Variants in PDZRN3 observed in about 807,000 individuals in gnomAD.
PDZRN3 encodes PDZ domain containing ring finger 3.
Under a neutral mutation model 85.7 loss-of-function variants are expected in PDZRN3, and 38 were observed. That is an observed-to-expected ratio of 0.44 (90% CI 0.34 to 0.58). The LOEUF (loss-of-function observed/expected upper bound fraction) is 0.58. Ranked by LOEUF, PDZRN3 falls within the 20% of genes least tolerant of loss-of-function variation. The pLI is 0.01. For missense variants in PDZRN3, 1,629 were observed against 1,506.4 expected (o/e 1.08, Z -1.35); for synonymous variants, 759 against 638.0 (o/e 1.19, Z -2.86).
At chr3:73,513,086 C>A (rs980540826) in intron 3 of PDZRN3, among the ~76,000 whole-genome samples, 18 of 152,172 alleles carry the variant, frequency 1.2e-4, no homozygotes, top group African/African-American at 3.9e-4. Flanking sequence ...GCAGCCACAG[C>A]CTCAAACCCA....
At chr3:73,518,505 A>C (rs1283336792) in intron 3 of PDZRN3, among the ~76,000 whole-genome samples, 2 of 152,204 alleles carry the variant, frequency 1.3e-5, no homozygotes, top group Admixed American at 6.5e-5. Context: ...GGTACATTTT[A>C]TGTTATTTAT....
chr3:73,420,618 T>C (rs1559670001), intron 3 of PDZRN3, among the ~76,000 whole-genome samples: 2 of 152,240 alleles, frequency 1.3e-5, no homozygotes, highest in Admixed American at 1.3e-4. Flanking sequence ...TCCACATAAG[T>C]TGACCTTTCT....
chr3:73,436,296 A>G (rs1353270625), intron 3 of PDZRN3, among the ~76,000 whole-genome samples: 1 of 152,088 alleles, frequency 6.6e-6, no homozygotes. Context: ...CTGAATTTCT[A>G]CCAGCCCAGG....
In PDZRN3 at chr3:73,576,886, TA is replaced by T. The variant is rs375530979; in HGVS notation, c.918+25467del. On this transcript the variant is annotated intron_variant, in intron 3 of 9. Coordinates refer to ENST00000263666, the MANE Select transcript of PDZRN3 (RefSeq NM_015009.3). ...AACAATGAGACTAAATTAGAATAAG[TA>T]AAAAAAAAATAACACATTAAATCAA... Among the ~76,000 whole-genome samples the T allele has an allele frequency of 6.8e-4, 101 of 149,240 alleles. No individual in the cohort carries two copies. The Middle Eastern group carries it at 0.021, about 31-fold the overall frequency.
chr3:73,383,893 C>G lies in PDZRN3; in HGVS notation c.2673G>C (p.Ser891=). 6.2e-7 allele frequency: 1 copy of G among 1,613,022 alleles called. No individual in the cohort carries two copies. The change falls in exon 10 of 10, where the codon TCG becomes TCC. Residue 891 remains serine, a synonymous_variant. Coordinates refer to ENST00000263666, the MANE Select transcript of PDZRN3 (RefSeq NM_015009.3). ...QSYMQLIQQK[S]AVEYAQSQMS... is the part of the protein sequence containing the mutation. Reference sequence around the variant, plus strand: ...TCTGGCTTTGCGCGTACTCCACGGCCGACTTCTGCTGGATCAGCTGCATGT... The same window carrying G: ...TCTGGCTTTGCGCGTACTCCACGGCGGACTTCTGCTGGATCAGCTGCATGT...
chr3:73,554,594 TGTCACACTGCA>T (rs1282877669), intron 3 of PDZRN3, among the ~76,000 whole-genome samples: 2 of 152,204 alleles, frequency 1.3e-5, no homozygotes, highest in African/African-American at 2.4e-5. Context: ...TACCATGGAC[TGTCACACTGCA>T]GTTTTCAAAA....
chr3:73,509,254 C>G (rs962944114), intron 3 of PDZRN3, among the ~76,000 whole-genome samples: 3 of 152,210 alleles, frequency 2.0e-5, no homozygotes, highest in African/African-American at 7.2e-5. Context: ...ACATTGGAAA[C>G]CAGCCATCTG....
intron 3 of PDZRN3, among the ~76,000 whole-genome samples, chr3:73,536,842 C>T (rs1222721979): frequency 5.9e-5 from 9 of 152,010 alleles, no homozygotes; most frequent in Admixed American, 5.9e-4. Context: ...TGTTAGGTCA[C>T]GGGGGTCGCA....
rs574893261 is a variant in PDZRN3, at chr3:73,497,600, C to T, written c.919-93205G>A. Among the ~76,000 whole-genome samples, 123 of 152,232 alleles carry T rather than the reference C, an allele frequency of 8.1e-4. 1 individual carries two copies. The highest frequency in any genetic ancestry group is 1.2e-3 in the Non-Finnish European group (85 of 68,016). On this transcript the variant is annotated intron_variant, in intron 3 of 9. Coordinates refer to ENST00000263666, the MANE Select transcript of PDZRN3 (RefSeq NM_015009.3). Reference sequence around the variant, plus strand: ...TTTTTTTATTCTGGAAAATTCCAAACGTATATAAAAGTAGAGGACAGCGTC... The same window carrying T: ...TTTTTTTATTCTGGAAAATTCCAAATGTATATAAAAGTAGAGGACAGCGTC...
At chr3:73,474,622 G>A in intron 3 of PDZRN3, 1 of 1,233,448 alleles carries the variant, frequency 8.1e-7, no homozygotes, top group South Asian at 1.4e-5. Context: ...TGAGAGTACT[G>A]AGCAAATGCT....
At chr3:73,424,541 CAAAAAAA>C (rs34550639) in intron 3 of PDZRN3, among the ~76,000 whole-genome samples, 1 of 54,238 alleles carries the variant, frequency 1.8e-5, no homozygotes, top group Non-Finnish European at 3.2e-5. Flanking sequence ...GACTCCATCT[CAAAAAAA>C]AAAAAAAAAA....
chr3:73,588,789 T>C (rs1396921885), intron 3 of PDZRN3, among the ~76,000 whole-genome samples: 1 of 152,226 alleles, frequency 6.6e-6, no homozygotes, highest in African/African-American at 2.4e-5. Flanking sequence ...AAGAATAATG[T>C]TGAGCATTTA....
chr3:73,533,549 T>TC (rs1033920589), intron 3 of PDZRN3, among the ~76,000 whole-genome samples: 44 of 151,110 alleles, frequency 2.9e-4, no homozygotes, highest in African/African-American at 1.1e-3. Context: ...AAAAAATTGT[T>TC]TTTTTTTTTA....
intron 3 of PDZRN3, among the ~76,000 whole-genome samples, chr3:73,443,475 T>TTCTC (rs1702683096): frequency 2.5e-5 from 1 of 40,422 alleles, no homozygotes; most frequent in African/African-American, 6.0e-5. Context: ...TTATTTTCCT[T>TTCTC]TTTCTTTTTT....
chr3:73,584,922 A>G (rs1702257233), intron 3 of PDZRN3, among the ~76,000 whole-genome samples: 1 of 152,334 alleles, frequency 6.6e-6, no homozygotes, highest in Non-Finnish European at 1.5e-5. Flanking sequence ...ACACTCCAAA[A>G]GGACAAAGAA....
intron 4 of PDZRN3, among the ~76,000 whole-genome samples, chr3:73,403,117 T>C (rs998129903): frequency 2.0e-5 from 3 of 152,052 alleles, no homozygotes; most frequent in Admixed American, 1.3e-4. Flanking sequence ...CTAATTGTTT[T>C]TTGTATTTTT....
At position 73,384,189 on chromosome 3, in the gene PDZRN3, C is replaced by A; in HGVS notation, c.2377G>T (p.Gly793Trp). Residue 793 changes from glycine (G) to tryptophan (W), a missense_variant, in exon 10 of 10, where the codon GGG becomes TGG. Physicochemically the swap from Gly to Trp is radical, Grantham distance 184. Transcript: ENST00000263666. ...TAGGCTTCCGTGGTCCCCACAGCCC[C>A]TTCGCTGCTCGGGCAGCTGATGCCC... ...AEGISCPSSE[G>W]AVGTTEAYGP... 6.2e-7 allele frequency: 1 copy of A among 1,614,034 alleles called. No homozygotes were observed. The highest frequency in any genetic ancestry group is 8.5e-7 in the Non-Finnish European group (1 of 1,180,044).
intron 3 of PDZRN3, among the ~76,000 whole-genome samples, chr3:73,499,077 C>T (rs1043130446): frequency 1.7e-4 from 26 of 152,108 alleles, no homozygotes; most frequent in Admixed American, 1.6e-3. Context: ...TGACACCGCA[C>T]GAAAGGGATA....
intron 3 of PDZRN3, among the ~76,000 whole-genome samples, chr3:73,502,530 A>G (rs891199614): frequency 6.6e-6 from 1 of 152,104 alleles, no homozygotes; most frequent in Non-Finnish European, 1.5e-5. Flanking sequence ...TATCTTTCTG[A>G]GTTTTCTTTT....
Sources: gnomAD v4.1 joint callset for allele counts (sites outside exome capture counted in the v4.1 genomes callset) on GRCh38, gnomAD v4.1.1 for gene constraint, MANE v1.5 for transcripts, NCBI Gene and HGNC (gene_info 2026-07-23, HGNC 2026-07-21) for gene names.